HIPK2: variants seen among roughly 807,000 people sequenced by gnomAD.
HIPK2 encodes homeodomain-interacting protein kinase 2.
Under a neutral mutation model 113.7 loss-of-function variants are expected in HIPK2, and 27 were observed. That is an observed-to-expected ratio of 0.24 (90% CI 0.17 to 0.33). The LOEUF is 0.33. Among genes scored for constraint, HIPK2 ranks in the 10% least tolerant of loss-of-function variants. The pLI is 1.00. For synonymous variants in HIPK2, 631 were observed against 642.2 expected, an observed-to-expected ratio of 0.98 and a Z score of 0.26; for missense variants, 1,257 against 1,588.0, an observed-to-expected ratio of 0.79 and a Z score of 3.54.
chr7:139,647,277 T>C (rs993119311), intron 2 of HIPK2, among the ~76,000 whole-genome samples: 1 of 152,108 alleles, frequency 6.6e-6, no homozygotes, highest in Non-Finnish European at 1.5e-5. Flanking sequence ...TCTGCAGACA[T>C]TGGGTGTCAT....
chr7:139,678,445 C>T (rs1256775415), intron 2 of HIPK2, among the ~76,000 whole-genome samples: 2 of 152,222 alleles, frequency 1.3e-5, no homozygotes, highest in Non-Finnish European at 2.9e-5. Flanking sequence ...TCCTTCCCCA[C>T]TGCTAGTTTT....
At chr7:139,713,987 CT>C (rs1198286166) in intron 2 of HIPK2, among the ~76,000 whole-genome samples, 3 of 152,342 alleles carry the variant, frequency 2.0e-5, no homozygotes, top group East Asian at 3.9e-4. Flanking sequence ...GGCTTCTTGT[CT>C]TCCTTGGAGG....
At chr7:139,720,641 G>A (rs1795380832) in intron 1 of HIPK2, among the ~76,000 whole-genome samples, 1 of 152,108 alleles carries the variant, frequency 6.6e-6, no homozygotes, top group Non-Finnish European at 1.5e-5. Flanking sequence ...TATCCATATT[G>A]TTCTAGATGT....
chr7:139,605,009 C>A (rs1247185772), intron 9 of HIPK2, among the ~76,000 whole-genome samples: 1 of 152,142 alleles, frequency 6.6e-6, no homozygotes, highest in African/African-American at 2.4e-5. Flanking sequence ...CTTGTGTTAT[C>A]TTCTGAATCT....
intron 1 of HIPK2, among the ~76,000 whole-genome samples, chr7:139,748,969 G>A (rs1796236454): frequency 6.6e-6 from 1 of 152,178 alleles, no homozygotes; most frequent in African/African-American, 2.4e-5. Flanking sequence ...CTATTTCCAT[G>A]ATACACCAAG....
rs543493713 is a variant in HIPK2 at position 139,562,173 on chromosome 7, G to A, written c.*10754C>T. ...TCACATAGGAAAAAGAGGTACACGA[G>A]AAAATACTGTTGCACGCAATAATTT... On this transcript the variant is annotated 3_prime_UTR_variant, in exon 15 of 15. Coordinates refer to ENST00000406875, the MANE Select transcript of HIPK2 (RefSeq NM_022740.5). 18 of 152,314 alleles carry A rather than the reference G, an allele frequency of 1.2e-4. No homozygotes were observed. The highest frequency in any genetic ancestry group is 4.1e-4 in the African/African-American group (17 of 41,566). 9.4% of individuals were successfully genotyped at this position (152,314 alleles called of 1,614,324 possible).
intron 2 of HIPK2, among the ~76,000 whole-genome samples, chr7:139,648,592 T>A (rs10954651): frequency 1.3e-5 from 2 of 152,066 alleles, no homozygotes; most frequent in Admixed American, 6.5e-5. Context: ...GCATCATTCC[T>A]GCTTGCACCT....
chr7:139,579,031 C>T (rs1031337474), intron 13 of HIPK2, among the ~76,000 whole-genome samples: 2 of 152,164 alleles, frequency 1.3e-5, no homozygotes, highest in African/African-American at 4.8e-5. Context: ...GGATTACTGC[C>T]TGGTGACACT....
Position 139,716,622 on chromosome 7 carries a change from A to T in HIPK2, c.413T>A (p.Ile138Asn), listed in dbSNP as rs1254333286. ...GATCTGCACGCTGCTTGTGTTCTCGATCTCCTCGCTCTTACGCTTGAGTCC... is the reference window on the plus strand; with the variant it reads ...GATCTGCACGCTGCTTGTGTTCTCGTTCTCCTCGCTCTTACGCTTGAGTCC... The part of the protein sequence containing the change: ...KCGLKRKSEE[I>N]ENTSSVQIIE... Residue 138 changes from isoleucine to asparagine, a missense_variant, in exon 2 of 15, where the codon ATC becomes AAC. Coordinates refer to ENST00000406875, the MANE Select transcript of HIPK2 (RefSeq NM_022740.5). The surrounding 1 kb of genome is among the most constrained non-coding windows in gnomAD (Gnocchi z 9.3). 6.2e-7 allele frequency: 1 copy of T among 1,613,874 alleles called. No homozygotes were observed. Among genetic ancestry groups the T allele is most frequent in the Non-Finnish European group, 8.5e-7 (1 of 1,179,864 alleles).
At position 139,683,832 on chromosome 7, in the gene HIPK2, C is replaced by T. The variant is rs1229159059; in HGVS notation, c.1103+32100G>A. On this transcript the variant is annotated intron_variant, in intron 2 of 14. Transcript: ENST00000406875. This position sits in a 1 kb window ranked among gnomAD's most constrained non-coding sequence, Gnocchi z 4.2. ...CTCACTCTCCTGTGGTTTTGAAGGG[C>T]TACAAATACTTTAGAAAATAGTTTT... Among the ~76,000 whole-genome samples, 1 of 152,142 alleles carries T rather than the reference C, an allele frequency of 6.6e-6. No individual in the cohort carries two copies. The highest frequency in any genetic ancestry group is 1.5e-5 in the Non-Finnish European group (1 of 68,030).
intron 1 of HIPK2, among the ~76,000 whole-genome samples, chr7:139,725,710 T>C (rs1192728085): frequency 1.3e-5 from 2 of 152,350 alleles, no homozygotes; most frequent in Non-Finnish European, 2.9e-5. Context: ...TAGGTGACTG[T>C]CCTGATTGCC....
intron 1 of HIPK2, among the ~76,000 whole-genome samples, chr7:139,740,504 C>T (rs944286371): frequency 6.6e-6 from 1 of 152,334 alleles, no homozygotes; most frequent in African/African-American, 2.4e-5. Flanking sequence ...GTCAAAGCCT[C>T]GGAGGACTTA....
At chr7:139,679,075 G>GT (rs1409834940) in intron 2 of HIPK2, among the ~76,000 whole-genome samples, 1 of 152,194 alleles carries the variant, frequency 6.6e-6, no homozygotes, top group Non-Finnish European at 1.5e-5. Context: ...AGACGATGGG[G>GT]TTTTTTAAAC....
intron 2 of HIPK2, among the ~76,000 whole-genome samples, chr7:139,702,670 G>A (rs1430321645): frequency 3.3e-5 from 5 of 152,178 alleles, no homozygotes; most frequent in African/African-American, 1.2e-4. Flanking sequence ...TCTCATGCAT[G>A]GGCATGCAGG....
intron 2 of HIPK2, among the ~76,000 whole-genome samples, chr7:139,707,033 C>A (rs1489857891): frequency 6.6e-6 from 1 of 152,214 alleles, no homozygotes; most frequent in South Asian, 2.1e-4. Flanking sequence ...GAGCCCTCAA[C>A]CCCTGCGACC....
intron 2 of HIPK2, among the ~76,000 whole-genome samples, chr7:139,673,000 C>A (rs1021555241): frequency 1.3e-5 from 2 of 151,966 alleles, no homozygotes; most frequent in Non-Finnish European, 2.9e-5. Flanking sequence ...ACATTTACCA[C>A]CTGGAACAAT....
chr7:139,563,810 G>T lies in HIPK2; in HGVS notation c.*9117C>A. On this transcript the variant is annotated 3_prime_UTR_variant, in exon 15 of 15. Coordinates refer to ENST00000406875, the MANE Select transcript of HIPK2 (RefSeq NM_022740.5). Reference sequence around the variant, plus strand: ...TTTTGTATTTTTTAAAAGCTCCCTGGTCCCAGGTGTTTTGCAGTTTTCAAG... The same window carrying T: ...TTTTGTATTTTTTAAAAGCTCCCTGTTCCCAGGTGTTTTGCAGTTTTCAAG... 2.5e-6 allele frequency: 1 copy of T among 398,550 alleles called. No individual in the cohort carries two copies. 24.7% of individuals were successfully genotyped at this position (398,550 alleles called of 1,614,324 possible). A position where few individuals can be genotyped will look rare whatever the true frequency, so the allele number is the denominator to read the frequency against.
chr7:139,709,662 T>A (rs546675994), intron 2 of HIPK2, among the ~76,000 whole-genome samples: 1 of 152,232 alleles, frequency 6.6e-6, no homozygotes, highest in South Asian at 2.1e-4. Context: ...GGGATCCAGA[T>A]GGAGGAGTGT....
chr7:139,761,145 T>C (rs1796457287), intron 1 of HIPK2, among the ~76,000 whole-genome samples: 1 of 152,218 alleles, frequency 6.6e-6, no homozygotes, highest in Admixed American at 6.5e-5. Context: ...AGATCCTGCC[T>C]TTCCAGTGGG....
Sources: gnomAD v4.1 joint callset for allele counts (sites outside exome capture counted in the v4.1 genomes callset) on GRCh38, gnomAD v4.1.1 for gene constraint, Gnocchi (gnomAD v3.1) non-coding constraint, MANE v1.5 for transcripts, NCBI Gene and HGNC (gene_info 2026-07-23, HGNC 2026-07-21) for gene names.